The following TDRD5 variants were observed in gnomAD, a reference collection of about 807,000 sequenced individuals.
The protein encoded by TDRD5 is tudor domain-containing protein 5.
Under a neutral mutation model 120.6 loss-of-function variants are expected in TDRD5, and 41 were observed. The observed-to-expected ratio is 0.34, with a 90% CI of 0.26 to 0.44. The LOEUF (loss-of-function observed/expected upper bound fraction) is 0.44. TDRD5 is among the 20% of genes least tolerant of loss of function. The pLI is 1.00. For missense variants in TDRD5, 1,006 were observed against 1,221.2 expected (o/e 0.82, Z 2.63); for synonymous variants, 430 against 433.7 (o/e 0.99, Z 0.11).
chr1:179,642,704 A>G (rs1678120980), intron 11 of TDRD5, among the ~76,000 whole-genome samples: 1 of 152,238 alleles, frequency 6.6e-6, no homozygotes, highest in African/African-American at 2.4e-5. Flanking sequence ...CTGAATCTCC[A>G]GTGCCCAGAG....
chr1:179,663,317 T>G (rs1274532342), intron 15 of TDRD5, 31 bp from the exon 16 acceptor site: 1 of 1,586,404 alleles, frequency 6.3e-7, no homozygotes, highest in Admixed American at 1.9e-5. Context: ...GCACTTTATC[T>G]CAGTCTGTTG....
At chr1:179,632,559 A>G (rs906907218) in intron 7 of TDRD5, among the ~76,000 whole-genome samples, 1 of 152,182 alleles carries the variant, frequency 6.6e-6, no homozygotes, top group Non-Finnish European at 1.5e-5. Flanking sequence ...GAATGTTTAT[A>G]TAGCCTCCAA....
intron 4 of TDRD5, among the ~76,000 whole-genome samples, chr1:179,606,733 C>T (rs948284468): frequency 2.0e-5 from 3 of 151,878 alleles, no homozygotes; most frequent in African/African-American, 4.8e-5. Flanking sequence ...TGCTTTTGCT[C>T]CTTTATCAAA....
Position 179,665,193 on chromosome 1 carries a change from A to G in TDRD5, c.2649+1702A>G, listed in dbSNP as rs1014821470. On this transcript the variant is annotated intron_variant, in intron 16 of 17. Coordinates refer to ENST00000444136, the MANE Select transcript of TDRD5 (RefSeq NM_001199085.3). ...GAGATATATTATTTTCAAATTTTCT[A>G]CTCTTCTGTTTTTCTTTTTCACTTA... Among the ~76,000 whole-genome samples the G allele has an allele frequency of 2.6e-5, 4 of 152,196 alleles. No individual in the cohort carries two copies. In the South Asian group the frequency reaches 8.3e-4, roughly 32 times the overall value.
intron 4 of TDRD5, among the ~76,000 whole-genome samples, chr1:179,602,382 A>T (rs1419097208): frequency 6.6e-6 from 1 of 152,088 alleles, no homozygotes; most frequent in Admixed American, 6.6e-5. Context: ...TCATGTCCTT[A>T]GCCCACTTCT....
rs952299672 is a variant in TDRD5 at position 179,648,390 on chromosome 1, T to C, written c.1801-2477T>C. ...CATATTCTCACTCATAGATGGGAAT[T>C]GAACAATGAGAACACATGGACACAG... On this transcript the variant is annotated intron_variant, in intron 11 of 17. Coordinates refer to ENST00000444136, the MANE Select transcript of TDRD5 (RefSeq NM_001199085.3). 4.6e-4 allele frequency among the ~76,000 whole-genome samples: 55 copies of C among 120,188 alleles called. 1 individual carries two copies. Among genetic ancestry groups the C allele is most frequent in the African/African-American group, 1.6e-3 (52 of 33,436 alleles). The allele number at this position is 120,188 out of a possible 152,430, so 78.8% of individuals were successfully genotyped here.
chr1:179,604,296 T>A (rs115761136), intron 4 of TDRD5, among the ~76,000 whole-genome samples: 7 of 152,144 alleles, frequency 4.6e-5, no homozygotes, highest in African/African-American at 1.7e-4. Flanking sequence ...TCTAATGGTC[T>A]ATTAATTTTA....
At chr1:179,685,780 A>G (rs960239523) in intron 17 of TDRD5, among the ~76,000 whole-genome samples, 2 of 152,050 alleles carry the variant, frequency 1.3e-5, no homozygotes, top group African/African-American at 2.4e-5. Context: ...TTGGATTCCT[A>G]GGTATTTTAT....
At chr1:179,685,704 T>C (rs1680667696) in intron 17 of TDRD5, among the ~76,000 whole-genome samples, 1 of 152,134 alleles carries the variant, frequency 6.6e-6, no homozygotes, top group Non-Finnish European at 1.5e-5. Context: ...TGCTTGTATC[T>C]TCTTTTATTT....
At chr1:179,679,115 G>A (rs1325487232) in intron 17 of TDRD5, among the ~76,000 whole-genome samples, 1 of 152,162 alleles carries the variant, frequency 6.6e-6, no homozygotes, top group Non-Finnish European at 1.5e-5. Context: ...CGTCTATTGA[G>A]ATGGTTATGC....
At chr1:179,678,419 G>A (rs1424927024) in intron 17 of TDRD5, among the ~76,000 whole-genome samples, 1 of 152,126 alleles carries the variant, frequency 6.6e-6, no homozygotes, top group Non-Finnish European at 1.5e-5. Flanking sequence ...CAAAGGGTCT[G>A]TGGATCCTCT....
chr1:179,614,337 G>A (rs1250426187), intron 4 of TDRD5, among the ~76,000 whole-genome samples: 1 of 152,154 alleles, frequency 6.6e-6, no homozygotes, highest in Non-Finnish European at 1.5e-5. Flanking sequence ...AAATGATGGT[G>A]TGAATGTGCC....
At chr1:179,611,131 C>T (rs1676253732) in intron 4 of TDRD5, among the ~76,000 whole-genome samples, 1 of 151,592 alleles carries the variant, frequency 6.6e-6, no homozygotes, top group Non-Finnish European at 1.5e-5. Context: ...GATCTCAGCT[C>T]ACTGCAACCT....
chr1:179,688,927 T>A (rs1680926489), intron 17 of TDRD5, among the ~76,000 whole-genome samples: 1 of 152,234 alleles, frequency 6.6e-6, no homozygotes, highest in Non-Finnish European at 1.5e-5. Flanking sequence ...ATGATGTTTA[T>A]TCTAGTTAGC....
At chr1:179,687,267 A>C (rs1422880858) in intron 17 of TDRD5, among the ~76,000 whole-genome samples, 1 of 152,208 alleles carries the variant, frequency 6.6e-6, no homozygotes, top group Non-Finnish European at 1.5e-5. Flanking sequence ...GGTTTCAAAG[A>C]ACATCTTTAT....
chr1:179,610,182 G>A (rs1676208450), intron 4 of TDRD5, among the ~76,000 whole-genome samples: 1 of 152,126 alleles, frequency 6.6e-6, no homozygotes, highest in South Asian at 2.1e-4. Flanking sequence ...AATGGTGAAA[G>A]TAATTCTTAA....
intron 8 of TDRD5, 123 bp downstream of exon 8, chr1:179,634,752 A>G: frequency 1.7e-6 from 2 of 1,171,094 alleles, no homozygotes; most frequent in Non-Finnish European, 2.3e-6. Context: ...CATTTATTAG[A>G]AGAAATCATC....
chr1:179,687,824 T>C (rs1366909594), intron 17 of TDRD5, among the ~76,000 whole-genome samples: 1 of 151,916 alleles, frequency 6.6e-6, no homozygotes, highest in Admixed American at 6.6e-5. Flanking sequence ...TTTTGATCTT[T>C]GTTGGTTTAA....
intron 14 of TDRD5, among the ~76,000 whole-genome samples, chr1:179,654,645 T>C (rs1428985630): frequency 2.0e-5 from 3 of 152,168 alleles, no homozygotes; most frequent in Non-Finnish European, 4.4e-5. Context: ...GGCATGTGCC[T>C]GTAATCCCAG....
Sources: allele counts gnomAD v4.1 joint callset (sites outside exome capture counted in the v4.1 genomes callset), GRCh38; gene constraint gnomAD v4.1.1; transcripts MANE v1.5; gene names NCBI Gene and HGNC (gene_info 2026-07-23, HGNC 2026-07-21).